Variants in LDLRAD3 observed in about 807,000 individuals in gnomAD.
The protein encoded by LDLRAD3 is low density lipoprotein receptor class A domain containing 3.
In LDLRAD3, 20 loss-of-function variants were observed where a neutral mutation model predicts 29.4. The ratio of observed to expected loss-of-function variants is 0.68; its 90% confidence interval spans 0.48 to 0.99. LDLRAD3 has a LOEUF of 0.99. Among genes scored for constraint, LDLRAD3 ranks in the 50% least tolerant of loss-of-function variants. The pLI is 0.00. For synonymous variants in LDLRAD3, 157 were observed against 192.7 expected, an observed-to-expected ratio of 0.81 and a Z score of 1.53; for missense variants, 420 against 454.3, an observed-to-expected ratio of 0.92 and a Z score of 0.69.
intron 4 of LDLRAD3, among the ~76,000 whole-genome samples, chr11:36,158,525 CTTTTTT>C (rs61352747): frequency 9.3e-6 from 1 of 107,096 alleles, no homozygotes; most frequent in East Asian, 2.9e-4. Flanking sequence ...ATGTTCTGGG[CTTTTTT>C]TTTTTTTTTT....
intron 4 of LDLRAD3, among the ~76,000 whole-genome samples, chr11:36,143,541 G>A (rs1329867725): frequency 6.6e-6 from 1 of 152,206 alleles, no homozygotes; most frequent in Non-Finnish European, 1.5e-5. Flanking sequence ...CTTCCTGTTT[G>A]AGCCCAGGGA....
At chr11:36,131,476 G>T (rs1853925038) in intron 4 of LDLRAD3, among the ~76,000 whole-genome samples, 1 of 152,164 alleles carries the variant, frequency 6.6e-6, no homozygotes, top group Non-Finnish European at 1.5e-5. Flanking sequence ...TTGCTTTGGG[G>T]CTAGAATACA....
chr11:36,015,668 C>G (rs61180835), intron 1 of LDLRAD3, among the ~76,000 whole-genome samples: 3 of 151,796 alleles, frequency 2.0e-5, no homozygotes. Flanking sequence ...CCCTGCCCCC[C>G]GCCACTGTTC....
At chr11:36,090,565 A>G (rs531924924) in intron 3 of LDLRAD3, among the ~76,000 whole-genome samples, 2 of 152,318 alleles carry the variant, frequency 1.3e-5, no homozygotes, top group Non-Finnish European at 2.9e-5. Context: ...GACAGGAGAT[A>G]ACCATGTCCA....
intron 4 of LDLRAD3, among the ~76,000 whole-genome samples, chr11:36,116,661 A>T (rs11033434): frequency 0.042 from 6,389 of 151,952 alleles, 469 homozygotes; most frequent in African/African-American, 0.15. Context: ...ATATCAAGGG[A>T]GGAGACTAAA....
At chr11:35,975,068 G>A (rs116568866) in intron 1 of LDLRAD3, among the ~76,000 whole-genome samples, 2 of 152,070 alleles carry the variant, frequency 1.3e-5, no homozygotes, top group African/African-American at 2.4e-5. Context: ...ACTTCATTTC[G>A]TAAGACCCTT....
chr11:35,955,368 G>C (rs1851188672), intron 1 of LDLRAD3, among the ~76,000 whole-genome samples: 1 of 152,190 alleles, frequency 6.6e-6, no homozygotes, highest in African/African-American at 2.4e-5. Context: ...ATGATTCCAG[G>C]AAGGAAGCAC....
intron 1 of LDLRAD3, among the ~76,000 whole-genome samples, chr11:36,014,375 T>C (rs1851993914): frequency 6.6e-6 from 1 of 152,212 alleles, no homozygotes; most frequent in Non-Finnish European, 1.5e-5. Context: ...TAGGCTTTAA[T>C]GAAAATGCTG....
At chr11:35,980,690 G>A (rs987411761) in intron 1 of LDLRAD3, among the ~76,000 whole-genome samples, 4 of 152,014 alleles carry the variant, frequency 2.6e-5, no homozygotes, top group East Asian at 1.9e-4. Flanking sequence ...TATTCTCCCC[G>A]CTAGCCAGAT....
intron 2 of LDLRAD3, among the ~76,000 whole-genome samples, chr11:36,044,117 T>A (rs1163424811): frequency 6.6e-6 from 1 of 152,212 alleles, no homozygotes; most frequent in East Asian, 1.9e-4. Flanking sequence ...CAGACAGTAC[T>A]GAGTTCTTCC....
intron 4 of LDLRAD3, among the ~76,000 whole-genome samples, chr11:36,179,854 C>T (rs1565283228): frequency 6.6e-6 from 1 of 152,092 alleles, no homozygotes; most frequent in Non-Finnish European, 1.5e-5. Flanking sequence ...ATTAGCCGGA[C>T]ATGGTAGCCT....
At chr11:35,945,177 T>A (rs769470793) in intron 1 of LDLRAD3, among the ~76,000 whole-genome samples, 2 of 152,216 alleles carry the variant, frequency 1.3e-5, no homozygotes, top group South Asian at 2.1e-4. Flanking sequence ...ACATGTCCAA[T>A]AGCTGCCCTA....
chr11:36,189,417 G>A (rs1327145555), intron 4 of LDLRAD3, among the ~76,000 whole-genome samples: 1 of 152,012 alleles, frequency 6.6e-6, no homozygotes, highest in Non-Finnish European at 1.5e-5. Context: ...CCGAGAGGCG[G>A]AGGTTGCAGT....
In LDLRAD3 at chr11:36,187,689, G is replaced by C. The variant is rs552750112; in HGVS notation, c.455-39396G>C. On this transcript the variant is annotated intron_variant, in intron 4 of 5. Coordinates refer to ENST00000315571, the MANE Select transcript of LDLRAD3 (RefSeq NM_174902.4). ...TTGGATTCTGGGTGTGTTTGTTTTA[G>C]ATGCTGTGGTACCGGCTGGTTTTAG... 5.9e-5 allele frequency among the ~76,000 whole-genome samples: 9 copies of C among 152,322 alleles called. No individual in the cohort carries two copies. In the South Asian group the frequency reaches 1.7e-3, roughly 28 times the overall value.
intron 4 of LDLRAD3, among the ~76,000 whole-genome samples, chr11:36,186,509 T>G (rs917672281): frequency 2.6e-5 from 4 of 152,208 alleles, no homozygotes; most frequent in Non-Finnish European, 4.4e-5. Context: ...CAGTACATTC[T>G]TGCCAGACTG....
At chr11:36,029,744 C>G (rs183195537) in intron 1 of LDLRAD3, among the ~76,000 whole-genome samples, 7 of 152,286 alleles carry the variant, frequency 4.6e-5, no homozygotes, top group Admixed American at 1.3e-4. Context: ...TTTACTAACT[C>G]GCTTTGTAAG....
In LDLRAD3 at chr11:36,128,923, G is replaced by A. The variant is rs188830987; in HGVS notation, c.454+30462G>A. Among the ~76,000 whole-genome samples the A allele has an allele frequency of 6.7e-3, 1,022 of 151,922 alleles. 9 individuals carry two copies. Among genetic ancestry groups the A allele is most frequent in the Middle Eastern group, 0.031 (9 of 294 alleles). ...GGAACAGTGATGGGCAGAGGCCAAGGTTAGTAGAGAGACACTGGCTGGGAT... is the reference window on the plus strand; with the variant it reads ...GGAACAGTGATGGGCAGAGGCCAAGATTAGTAGAGAGACACTGGCTGGGAT... On this transcript the variant is annotated intron_variant, in intron 4 of 5. Transcript: ENST00000315571.
intron 4 of LDLRAD3, among the ~76,000 whole-genome samples, chr11:36,178,790 A>AC (rs1470702790): frequency 6.6e-6 from 1 of 151,978 alleles, no homozygotes; most frequent in African/African-American, 2.4e-5. Flanking sequence ...TGTGCCAGAG[A>AC]CCCTCCCATC....
intron 4 of LDLRAD3, among the ~76,000 whole-genome samples, chr11:36,118,047 T>C (rs1339586699): frequency 2.6e-5 from 4 of 152,116 alleles, no homozygotes; most frequent in Non-Finnish European, 5.9e-5. Context: ...CATTTGGAAA[T>C]GTGGATGGTG....
Sources: allele counts gnomAD v4.1 joint callset (sites outside exome capture counted in the v4.1 genomes callset), GRCh38; gene constraint gnomAD v4.1.1; transcripts MANE v1.5; gene names NCBI Gene and HGNC (gene_info 2026-07-23, HGNC 2026-07-21).